The following RPS6KC1 variants were observed in gnomAD, a reference collection of about 807,000 sequenced individuals.
RPS6KC1 encodes ribosomal protein S6 kinase C1, also known as inactive ribosomal protein S6 kinase delta-1.
Under a neutral mutation model 103.8 loss-of-function variants are expected in RPS6KC1, and 54 were observed. That is an observed-to-expected ratio of 0.52 (90% confidence interval 0.42 to 0.65). The LOEUF (loss-of-function observed/expected upper bound fraction) is 0.65, where lower values mean the gene tolerates loss of function less well. Ranked by LOEUF, RPS6KC1 falls within the 30% of genes least tolerant of loss-of-function variation. The pLI is 0.00. For missense variants in RPS6KC1, 1,151 were observed against 1,253.8 expected, an observed-to-expected ratio of 0.92 and a Z score of 1.24; for synonymous variants, 439 against 438.7, an observed-to-expected ratio of 1.00 and a Z score of -0.01.
At chr1:213,321,235 G>A in the RPS6KC1 span, among the ~76,000 whole-genome samples, 2 of 152,338 alleles carry the variant, frequency 1.3e-5, no homozygotes, top group South Asian at 2.1e-4. Flanking sequence ...GATGGTATAA[G>A]TTTTTCTGGG....
At chr1:213,504,383 T>A in the RPS6KC1 span, among the ~76,000 whole-genome samples, 1 of 152,226 alleles carries the variant, frequency 6.6e-6, no homozygotes, top group Non-Finnish European at 1.5e-5. Flanking sequence ...GAATTCCTTT[T>A]TTATTGTGAT....
chr1:213,722,914 C>T, the RPS6KC1 span, among the ~76,000 whole-genome samples: 2 of 152,212 alleles, frequency 1.3e-5, no homozygotes, highest in Non-Finnish European at 1.5e-5. Flanking sequence ...CAAGGTGGCT[C>T]ATGCCAGTAA....
chr1:213,854,429 G>T, the RPS6KC1 span, among the ~76,000 whole-genome samples: 1 of 152,154 alleles, frequency 6.6e-6, no homozygotes, highest in Admixed American at 6.5e-5. Flanking sequence ...TAGGTTTTAG[G>T]AGACATGCAT....
the RPS6KC1 span, among the ~76,000 whole-genome samples, chr1:213,790,775 A>G: frequency 6.6e-6 from 1 of 152,180 alleles, no homozygotes; most frequent in Non-Finnish European, 1.5e-5. Context: ...GTTCAAAGGC[A>G]CCAGAGACCT....
the RPS6KC1 span, among the ~76,000 whole-genome samples, chr1:213,664,866 T>G: frequency 6.6e-6 from 1 of 152,204 alleles, no homozygotes; most frequent in Non-Finnish European, 1.5e-5. Context: ...CAATGTTTTG[T>G]TGCTTAATTC....
At chr1:213,757,901 C>T in the RPS6KC1 span, among the ~76,000 whole-genome samples, 3 of 152,312 alleles carry the variant, frequency 2.0e-5, no homozygotes, top group East Asian at 5.8e-4. Context: ...TAAATATACT[C>T]TGCTTGTGCT....
intron 12 of RPS6KC1, among the ~76,000 whole-genome samples, chr1:213,258,407 A>G (rs897837343): frequency 6.6e-6 from 1 of 152,238 alleles, no homozygotes; most frequent in African/African-American, 2.4e-5. Context: ...AGCAAATGAA[A>G]TTCTTGAACA....
intron 7 of RPS6KC1, among the ~76,000 whole-genome samples, chr1:213,170,874 C>T (rs924635622): frequency 6.6e-6 from 1 of 152,162 alleles, no homozygotes; most frequent in Non-Finnish European, 1.5e-5. Context: ...TTTCAACCAA[C>T]ACAATGAGAG....
At chr1:213,400,825 G>A in the RPS6KC1 span, among the ~76,000 whole-genome samples, 1 of 151,814 alleles carries the variant, frequency 6.6e-6, no homozygotes, top group African/African-American at 2.4e-5. Flanking sequence ...TCCTGCCTCG[G>A]CCTCCTGAGT....
At chr1:213,843,026 T>C in the RPS6KC1 span, among the ~76,000 whole-genome samples, 1 of 152,188 alleles carries the variant, frequency 6.6e-6, no homozygotes, top group Non-Finnish European at 1.5e-5. Context: ...GACAAGAGGC[T>C]GGAAATTCAG....
At chr1:213,292,388 G>A in the RPS6KC1 span, among the ~76,000 whole-genome samples, 1 of 152,178 alleles carries the variant, frequency 6.6e-6, no homozygotes, top group African/African-American at 2.4e-5. Context: ...TTATAAATTA[G>A]TAAATTAATA....
chr1:213,445,677 C>T, the RPS6KC1 span, among the ~76,000 whole-genome samples: 725 of 152,292 alleles, frequency 4.8e-3, 23 homozygotes, highest in East Asian at 0.094. Flanking sequence ...GAAAACAAAA[C>T]ACAACAAAAC....
chr1:213,186,935 T>C (rs1034381989), intron 8 of RPS6KC1, among the ~76,000 whole-genome samples: 1 of 152,160 alleles, frequency 6.6e-6, no homozygotes, highest in African/African-American at 2.4e-5. Flanking sequence ...TCAGACAGCG[T>C]CTCACCATAT....
chr1:213,380,981 C>G, the RPS6KC1 span, among the ~76,000 whole-genome samples: 30 of 152,168 alleles, frequency 2.0e-4, no homozygotes, highest in African/African-American at 5.3e-4. Context: ...AACAAGGATG[C>G]CTGGCTTGGC....
chr1:213,158,011 A>G (rs1349684055), intron 6 of RPS6KC1, among the ~76,000 whole-genome samples: 1 of 151,992 alleles, frequency 6.6e-6, no homozygotes, highest in East Asian at 1.9e-4. Flanking sequence ...TTTGCACGGT[A>G]TGTTTCCATT....
the RPS6KC1 span, among the ~76,000 whole-genome samples, chr1:213,633,624 A>G: frequency 2.0e-5 from 3 of 152,052 alleles, no homozygotes; most frequent in Non-Finnish European, 4.4e-5. Context: ...CGATGCTAGG[A>G]AGAAACCACA....
intron 3 of RPS6KC1, among the ~76,000 whole-genome samples, chr1:213,093,725 C>A (rs1487921508): frequency 6.6e-6 from 1 of 152,038 alleles, no homozygotes; most frequent in East Asian, 1.9e-4. Flanking sequence ...ATATCTGAGT[C>A]TAGTTTTCTT....
At chr1:213,216,931 A>C (rs1367154402) in intron 8 of RPS6KC1, among the ~76,000 whole-genome samples, 1 of 151,594 alleles carries the variant, frequency 6.6e-6, no homozygotes, top group African/African-American at 2.4e-5. Context: ...AAAGATCTAA[A>C]ATTGACACCC....
At chr1:213,073,708 C>T (rs2079066305) in intron 2 of RPS6KC1, among the ~76,000 whole-genome samples, 1 of 152,092 alleles carries the variant, frequency 6.6e-6, no homozygotes, top group Non-Finnish European at 1.5e-5. Context: ...TGGAGTCTCG[C>T]TCTGTCACCC....
Sources: allele counts gnomAD v4.1 joint callset (sites outside exome capture counted in the v4.1 genomes callset), GRCh38; gene constraint gnomAD v4.1.1; transcripts MANE v1.5; gene names NCBI Gene and HGNC (gene_info 2026-07-23, HGNC 2026-07-21).